The following ACBD6 variants were observed in gnomAD, a reference collection of about 807,000 sequenced individuals.
ACBD6 encodes the protein acyl-CoA binding domain containing 6.
ACBD6 carries 28 observed loss-of-function variants against 37.2 expected under a neutral mutation model. The observed-to-expected ratio is 0.75, with a 90% CI of 0.56 to 1.03. The LOEUF (loss-of-function observed/expected upper bound fraction) is 1.03, where lower values mean the gene tolerates loss of function less well. Among genes scored for constraint, ACBD6 ranks in the 50% least tolerant of loss-of-function variants. The probability of loss-of-function intolerance (pLI) is 0.00; values close to 1 mark genes in which losing one functional copy is unlikely to be tolerated. For synonymous variants in ACBD6, 113 were observed against 126.8 expected, an observed-to-expected ratio of 0.89 and a Z score of 0.73; for missense variants, 340 against 337.4, an observed-to-expected ratio of 1.01 and a Z score of -0.06.
At position 180,495,513 on chromosome 1, in the gene ACBD6, T is replaced by C. The variant is rs1477868861; in HGVS notation, c.235A>G (p.Asn79Asp). 4 of 1,610,694 alleles carry C rather than the reference T, an allele frequency of 2.5e-6. No homozygotes were observed. In the African/African-American group the frequency reaches 4.0e-5, roughly 16 times the overall value. Reference protein sequence around the residue: ...YARYKQVKVGNCNTPKPSFFD... With the variant: ...YARYKQVKVGDCNTPKPSFFD... ...AAGCTTGGTTTAGGAGTATTACAAT[T>C]TCCAACTTTGACCTAAATGAGGGAA... Residue 79 changes from asparagine (N) to aspartate (D), a missense_variant, in exon 2 of 8, where the codon AAT becomes GAT. Asn to Asp is a conservative substitution (Grantham distance 23, BLOSUM62 1). Coordinates refer to ENST00000367595, the MANE Select transcript of ACBD6 (RefSeq NM_032360.4).
At chr1:180,271,555 T>C (rs1435116697) in exon 14 of ACBD6, 2 of 1,613,676 alleles carry the variant, frequency 1.2e-6, no homozygotes, top group Admixed American at 1.7e-5. Flanking sequence ...AGCACTCCTG[T>C]GCCCTCCGGG....
chr1:180,446,722 A>C (rs1387901235), intron 3 of ACBD6, among the ~76,000 whole-genome samples: 1 of 152,174 alleles, frequency 6.6e-6, no homozygotes, highest in Non-Finnish European at 1.5e-5. Flanking sequence ...GCAATATTTT[A>C]AAAAATCATC....
At chr1:180,335,561 C>G (rs1219326563) in intron 6 of ACBD6, among the ~76,000 whole-genome samples, 1 of 152,058 alleles carries the variant, frequency 6.6e-6, no homozygotes, top group Non-Finnish European at 1.5e-5. Flanking sequence ...AAAAACATGC[C>G]AAATTGTAAA....
At chr1:180,290,461 A>G (rs906816555) in intron 7 of ACBD6, among the ~76,000 whole-genome samples, 1 of 152,182 alleles carries the variant, frequency 6.6e-6, no homozygotes, top group Non-Finnish European at 1.5e-5. Flanking sequence ...ACAGGCATAC[A>G]CCACTGCACC....
chr1:180,420,858 CAG>C (rs1648332731), intron 4 of ACBD6, among the ~76,000 whole-genome samples: 1 of 152,164 alleles, frequency 6.6e-6, no homozygotes, highest in South Asian at 2.1e-4. Flanking sequence ...TTGCAGAAAA[CAG>C]AGGTAGCCTA....
At chr1:180,323,520 G>A (rs922650125) in intron 6 of ACBD6, among the ~76,000 whole-genome samples, 12 of 152,004 alleles carry the variant, frequency 7.9e-5, no homozygotes, top group African/African-American at 2.9e-4. Context: ...AGCTACTATT[G>A]TATTGGGGTC....
intron 5 of ACBD6, among the ~76,000 whole-genome samples, chr1:180,401,165 G>A (rs1647343632): frequency 6.6e-6 from 1 of 152,148 alleles, no homozygotes; most frequent in Admixed American, 6.5e-5. Context: ...TAGGCCACCA[G>A]AAGACCACGA....
At chr1:180,480,170 T>C (rs1328363693) in intron 3 of ACBD6, among the ~76,000 whole-genome samples, 1 of 152,100 alleles carries the variant, frequency 6.6e-6, no homozygotes, top group Non-Finnish European at 1.5e-5. Flanking sequence ...CACTTTTAAA[T>C]GGGATAAACA....
chr1:180,280,976 G>A (rs1019215570), intron 9 of ACBD6, among the ~76,000 whole-genome samples: 1 of 152,178 alleles, frequency 6.6e-6, no homozygotes, highest in African/African-American at 2.4e-5. Flanking sequence ...CTCATCACCA[G>A]CCTATGTTGC....
chr1:180,452,467 T>C (rs1181289123), intron 3 of ACBD6, among the ~76,000 whole-genome samples: 1 of 151,194 alleles, frequency 6.6e-6, no homozygotes, highest in African/African-American at 2.4e-5. Flanking sequence ...TGAGACTCCA[T>C]CTCAAAAAAT....
At chr1:180,362,759 A>C (rs921073785) in intron 6 of ACBD6, among the ~76,000 whole-genome samples, 1 of 152,170 alleles carries the variant, frequency 6.6e-6, no homozygotes, top group Non-Finnish European at 1.5e-5. Flanking sequence ...AATACTACTA[A>C]TTTTAAAAAG....
At chr1:180,413,567 T>C (rs964463575) in intron 4 of ACBD6, 96 bp from the exon 5 acceptor site, 2 of 969,646 alleles carry the variant, frequency 2.1e-6, no homozygotes, top group African/African-American at 3.3e-5. Context: ...TAGATGTTAA[T>C]GGACTCTGCT....
At chr1:180,391,834 A>C (rs1458249985) in intron 6 of ACBD6, among the ~76,000 whole-genome samples, 1 of 152,152 alleles carries the variant, frequency 6.6e-6, no homozygotes, top group Non-Finnish European at 1.5e-5. Context: ...ATATATGTGT[A>C]TATGTCTACA....
chr1:180,352,587 T>C (rs1430393704), intron 6 of ACBD6, among the ~76,000 whole-genome samples: 4 of 152,122 alleles, frequency 2.6e-5, no homozygotes. Flanking sequence ...AAAAAGCAGA[T>C]GGCATTTGAG....
intron 6 of ACBD6, among the ~76,000 whole-genome samples, chr1:180,327,741 G>A (rs1018954186): frequency 2.2e-4 from 34 of 152,168 alleles, no homozygotes; most frequent in African/African-American, 7.5e-4. Context: ...TGACAGACAT[G>A]ATAATACAAT....
intron 5 of ACBD6, among the ~76,000 whole-genome samples, chr1:180,402,491 G>C (rs910573031): frequency 1.3e-5 from 2 of 152,126 alleles, no homozygotes; most frequent in African/African-American, 4.8e-5. Flanking sequence ...TTGCTTATTT[G>C]TCAGGAAATT....
intron 7 of ACBD6, among the ~76,000 whole-genome samples, chr1:180,289,110 G>A (rs1222144650): frequency 1.3e-5 from 2 of 149,874 alleles, no homozygotes; most frequent in African/African-American, 4.9e-5. Flanking sequence ...GGAAAAAAGG[G>A]CGTAGAGATA....
intron 2 of ACBD6, 92 bp downstream of exon 2, chr1:180,495,369 A>C: frequency 1.1e-6 from 1 of 923,130 alleles, no homozygotes; most frequent in South Asian, 1.7e-5. Flanking sequence ...GATTAATATA[A>C]AAATAATTCT....
intron 3 of ACBD6, among the ~76,000 whole-genome samples, chr1:180,491,552 T>C (rs1651503199): frequency 6.6e-6 from 1 of 152,238 alleles, no homozygotes; most frequent in African/African-American, 2.4e-5. Context: ...TTTTATCTTC[T>C]CTATTACACT....
Sources: allele counts gnomAD v4.1 joint callset (sites outside exome capture counted in the v4.1 genomes callset), GRCh38; gene constraint gnomAD v4.1.1; transcripts MANE v1.5; gene names NCBI Gene and HGNC (gene_info 2026-07-23, HGNC 2026-07-21).